GPR89B: variants seen among roughly 807,000 people sequenced by gnomAD.
The protein encoded by GPR89B is G protein-coupled receptor 89B.
GPR89B carries 25 observed loss-of-function variants against 52.4 expected under a neutral mutation model. That is an observed-to-expected ratio of 0.48 (90% confidence interval 0.35 to 0.67). The LOEUF (loss-of-function observed/expected upper bound fraction) is 0.67. GPR89B is among the 30% of genes least tolerant of loss of function. GPR89B has a pLI of 0.01. For missense variants in GPR89B, 146 were observed against 450.2 expected, an observed-to-expected ratio of 0.32 and a Z score of 6.11; for synonymous variants, 52 against 151.2, an observed-to-expected ratio of 0.34 and a Z score of 4.81.
At chr1:148,012,227 A>T in the GPR89B span, 1 of 151,782 alleles carries the variant, frequency 6.6e-6, no homozygotes, top group African/African-American at 2.4e-5. Flanking sequence ...GAACTGTTAT[A>T]CATAATTCCT....
intron 10 of GPR89B, among the ~76,000 whole-genome samples, chr1:147,980,818 C>CA (rs1176400328): frequency 0.24 from 5,396 of 22,310 alleles, 1,266 homozygotes; most frequent in East Asian, 0.37. Context: ...GACTCCGTCT[C>CA]AAAAAAAAAA....
At chr1:148,022,144 A>ACT in the GPR89B span, 11 of 151,892 alleles carry the variant, frequency 7.2e-5, no homozygotes, top group African/African-American at 2.2e-4. Context: ...TCTCTACAGG[A>ACT]GGTTTACCAT....
At chr1:147,958,803 G>A (rs1215238197) in intron 7 of GPR89B, among the ~76,000 whole-genome samples, 3 of 152,062 alleles carry the variant, frequency 2.0e-5, no homozygotes, top group East Asian at 1.9e-4. Context: ...TTTGTGGTCC[G>A]ACAGTAAGTT....
intron 8 of GPR89B, chr1:147,968,209 A>G (rs1657170309): frequency 2.2e-6 from 1 of 452,760 alleles, no homozygotes; most frequent in Non-Finnish European, 4.4e-6. Flanking sequence ...ACTCTACCTG[A>G]TTGAGTTCTT....
At chr1:148,014,259 C>A in the GPR89B span, among the ~76,000 whole-genome samples, 3 of 151,806 alleles carry the variant, frequency 2.0e-5, no homozygotes, top group Non-Finnish European at 2.9e-5. Flanking sequence ...GGCTTTTTTG[C>A]TATAGCCAAA....
In GPR89B at chr1:147,988,321, G is replaced by A. The variant is rs1477180279; in HGVS notation, c.1006-111G>A. On this transcript the variant is annotated intron_variant, in intron 11 of 13. Coordinates refer to ENST00000314163, the MANE Select transcript of GPR89B (RefSeq NM_016334.5). ...CTCCCTTAAGAAAAAAAATCAGGTA[G>A]GGTCTAATAAAGCTCCCTCTCACAG... The A allele has an allele frequency of 9.9e-6, 14 of 1,413,744 alleles. No homozygotes were observed. In the African/African-American group the frequency reaches 2.0e-4, roughly 20 times the overall value. The allele number at this position is 1,413,744 out of a possible 1,614,324, so 87.6% of individuals were successfully genotyped here.
intron 10 of GPR89B, among the ~76,000 whole-genome samples, chr1:147,978,125 G>A (rs1203400065): frequency 4.6e-5 from 7 of 151,256 alleles, no homozygotes; most frequent in African/African-American, 1.7e-4. Context: ...ATCATCCTCA[G>A]TTTATCTACC....
At chr1:147,995,796 A>G (rs2149100000), downstream of GPR89B, 3 of 1,585,758 alleles carry the variant, frequency 1.9e-6, no homozygotes, top group Non-Finnish European at 2.6e-6. Flanking sequence ...ACCTTCTCAT[A>G]GGGTTCATCT....
chr1:147,979,471 T>C (rs1159386388), intron 10 of GPR89B, among the ~76,000 whole-genome samples: 1 of 152,190 alleles, frequency 6.6e-6, no homozygotes, highest in Non-Finnish European at 1.5e-5. Flanking sequence ...TTATTCCTGC[T>C]CTTAGGGAGA....
chr1:147,975,594 T>C (rs1420355376), intron 10 of GPR89B, among the ~76,000 whole-genome samples: 1 of 152,246 alleles, frequency 6.6e-6, no homozygotes, highest in African/African-American at 2.4e-5. Flanking sequence ...TATTAATCTT[T>C]TCAAAAAACT....
At chr1:147,995,705 T>C (rs2149099975), downstream of GPR89B, 2 of 1,608,688 alleles carry the variant, frequency 1.2e-6, no homozygotes, top group African/African-American at 2.7e-5. Context: ...AGGGATTTTC[T>C]TAGCTTGGAA....
the GPR89B span, among the ~76,000 whole-genome samples, chr1:148,025,076 A>G: frequency 6.6e-5 from 10 of 151,968 alleles, no homozygotes; most frequent in Non-Finnish European, 1.3e-4. Flanking sequence ...CCCCCAGTTA[A>G]TAAAACTTGT....
chr1:147,993,310 A>T lies in GPR89B; in HGVS notation c.*393A>T, dbSNP rs1659202466. On this transcript the variant is annotated 3_prime_UTR_variant, in exon 14 of 14. Coordinates refer to ENST00000314163, the MANE Select transcript of GPR89B (RefSeq NM_016334.5). ...TGGAAAAGGTTATAGCTTTGCCTTG[A>T]GATTGACTCATTAAAATCAGAGACT... 1 of 327,750 alleles carries T rather than the reference A, an allele frequency of 3.1e-6. No individual in the cohort carries two copies. The highest frequency in any genetic ancestry group is 3.1e-5 in the South Asian group (1 of 32,430). The allele number at this position is 327,750 out of a possible 1,614,324, so 20.3% of individuals were successfully genotyped here. A position where few individuals can be genotyped will look rare whatever the true frequency, so the allele number is the denominator to read the frequency against.
In GPR89B at chr1:147,934,449, C is replaced by T. The variant is rs587752107; in HGVS notation, c.43-2178C>T. Among the ~76,000 whole-genome samples the T allele has an allele frequency of 1.7e-4, 26 of 152,208 alleles. No individual in the cohort carries two copies. In the East Asian group the frequency reaches 5.0e-3, roughly 29 times the overall value. ...AAAGTGCTAGGATTACAGACGTGAG[C>T]CACCATGTCCAGCCTCCCTACTTGA... On this transcript the variant is annotated intron_variant, in intron 1 of 13. Transcript: ENST00000314163.
At chr1:148,013,230 G>C in the GPR89B span, among the ~76,000 whole-genome samples, 2 of 152,080 alleles carry the variant, frequency 1.3e-5, no homozygotes, top group East Asian at 3.9e-4. Flanking sequence ...GTAGAAGAGA[G>C]AGGAAGAGGA....
chr1:148,015,315 C>CTCTG, the GPR89B span, among the ~76,000 whole-genome samples: 11 of 136,598 alleles, frequency 8.1e-5, 1 homozygote, highest in African/African-American at 3.2e-4. Flanking sequence ...CTCTCTCTCT[C>CTCTG]TCTCTCTCTC....
chr1:147,990,557 T>C (rs1233518143), intron 12 of GPR89B, among the ~76,000 whole-genome samples: 1 of 152,232 alleles, frequency 6.6e-6, no homozygotes, highest in Non-Finnish European at 1.5e-5. Context: ...GCCTAGGTTT[T>C]CTTCTAGGGT....
intron 1 of GPR89B, among the ~76,000 whole-genome samples, chr1:147,936,253 C>T (rs1185462314): frequency 6.6e-6 from 1 of 152,236 alleles, no homozygotes; most frequent in African/African-American, 2.4e-5. Context: ...TTCAGGTGAT[C>T]TGCCCACCTT....
rs1313893961 is a variant in GPR89B at position 147,973,772 on chromosome 1, A to T, written c.909+3813A>T. Among the ~76,000 whole-genome samples, 3 of 151,432 alleles carry T rather than the reference A, an allele frequency of 2.0e-5. No individual in the cohort carries two copies. In the East Asian group the frequency reaches 5.8e-4, roughly 29 times the overall value. ...CCATGTCCTGAATGGTATTGCCTAGATTTTCTTCTAGGTTTTTTATAGTTT... is the reference window on the plus strand; with the variant it reads ...CCATGTCCTGAATGGTATTGCCTAGTTTTTCTTCTAGGTTTTTTATAGTTT... On this transcript the variant is annotated intron_variant, in intron 10 of 13. Coordinates refer to ENST00000314163, the MANE Select transcript of GPR89B (RefSeq NM_016334.5).
Sources: allele counts gnomAD v4.1 joint callset (sites outside exome capture counted in the v4.1 genomes callset), GRCh38; gene constraint gnomAD v4.1.1; transcripts MANE v1.5; gene names NCBI Gene and HGNC (gene_info 2026-07-23, HGNC 2026-07-21).